DACH1: variants seen among roughly 807,000 people sequenced by gnomAD.
DACH1 encodes the protein dachshund family transcription factor 1, also known as dachshund homolog 1.
A neutral mutation model predicts 54.2 loss-of-function variants in DACH1; 12 were observed. The ratio of observed to expected loss-of-function variants is 0.22; its 90% confidence interval spans 0.14 to 0.36. DACH1 has a LOEUF of 0.36. Ranked by LOEUF, DACH1 falls within the 10% of genes least tolerant of loss-of-function variation. DACH1 has a pLI of 1.00. For synonymous variants in DACH1, 386 were observed against 366.2 expected (o/e 1.05, Z -0.62); for missense variants, 805 against 929.8 (o/e 0.87, Z 1.75).
chr13:71,777,919 C>A (rs1005077553), intron 1 of DACH1, among the ~76,000 whole-genome samples: 4 of 151,692 alleles, frequency 2.6e-5, no homozygotes, highest in African/African-American at 9.7e-5. Flanking sequence ...AAGTTTGAGA[C>A]CAGCCTGGGT....
chr13:71,567,207 T>A (rs765104616), intron 4 of DACH1, among the ~76,000 whole-genome samples: 2 of 151,946 alleles, frequency 1.3e-5, no homozygotes, highest in Non-Finnish European at 2.9e-5. Context: ...CGAATTTAAG[T>A]CATATTCCCT....
chr13:71,457,985 C>T (rs186598715), intron 10 of DACH1, among the ~76,000 whole-genome samples: 61 of 152,050 alleles, frequency 4.0e-4, no homozygotes, highest in African/African-American at 1.1e-3. Flanking sequence ...GAAATTCAAA[C>T]ACAGCCATTT....
chr13:71,594,614 T>C (rs961206107), intron 3 of DACH1, among the ~76,000 whole-genome samples: 1 of 152,124 alleles, frequency 6.6e-6, no homozygotes, highest in Admixed American at 6.6e-5. Context: ...GCATGTCACA[T>C]TTAGAAAATA....
intron 1 of DACH1, among the ~76,000 whole-genome samples, chr13:71,856,564 A>T (rs1484668750): frequency 4.6e-5 from 7 of 151,988 alleles, no homozygotes; most frequent in African/African-American, 1.7e-4. Context: ...GTAAATATCT[A>T]AATGCAAAGA....
At chr13:71,599,700 T>A (rs1238633101) in intron 3 of DACH1, among the ~76,000 whole-genome samples, 1 of 152,112 alleles carries the variant, frequency 6.6e-6, no homozygotes, top group Non-Finnish European at 1.5e-5. Flanking sequence ...GTAACCTTAT[T>A]AACATGGGAA....
Position 71,816,600 on chromosome 13 carries a change from ATGTGTG to A in DACH1, c.848+49316_848+49321del, listed in dbSNP as rs201182473. 2.5e-4 allele frequency among the ~76,000 whole-genome samples: 25 copies of A among 99,878 alleles called. 1 individual carries two copies. The South Asian group carries it at 8.3e-3, about 33-fold the overall frequency. The allele number at this position is 99,878 out of a possible 152,430, so 65.5% of individuals were successfully genotyped here. On this transcript the variant is annotated intron_variant, in intron 1 of 10. Coordinates refer to ENST00000613252, the MANE Select transcript of DACH1 (RefSeq NM_080759.6). ...TATACACGTATATATATACACACATATGTGTGTATATATATACACGTGTATATATAC... is the reference window on the plus strand; with the variant it reads ...TATACACGTATATATATACACACATATATATATATACACGTGTATATATAC...
At chr13:71,579,978 T>C (rs572291074) in intron 3 of DACH1, among the ~76,000 whole-genome samples, 8 of 152,248 alleles carry the variant, frequency 5.3e-5, no homozygotes, top group Middle Eastern at 3.4e-3. Context: ...AGTAGCCAGA[T>C]TGATTTGTAT....
intron 1 of DACH1, among the ~76,000 whole-genome samples, chr13:71,725,215 A>G (rs527711391): frequency 6.6e-5 from 10 of 152,296 alleles, no homozygotes; most frequent in African/African-American, 2.4e-4. Flanking sequence ...CATGTTTCTC[A>G]AAAGGCACCT....
At chr13:71,604,635 A>AT (rs1253719463) in intron 3 of DACH1, among the ~76,000 whole-genome samples, 1 of 151,924 alleles carries the variant, frequency 6.6e-6, no homozygotes, top group Non-Finnish European at 1.5e-5. Context: ...ATAAAAACGT[A>AT]TTTTAACTGA....
chr13:71,670,399 T>A (rs1239733707), intron 2 of DACH1, among the ~76,000 whole-genome samples: 2 of 152,144 alleles, frequency 1.3e-5, no homozygotes, highest in Non-Finnish European at 2.9e-5. Context: ...ATTTGTAATG[T>A]GCATATTTCT....
rs1424040720 is a variant in DACH1 at position 71,557,035 on chromosome 13, T to C, written c.1559A>G (p.His520Arg). The change falls in exon 6 of 11, where the codon CAT (histidine) becomes CGT (arginine). Residue 520 changes from histidine to arginine, a missense_variant. His to Arg is a conservative substitution (Grantham distance 29). Coordinates refer to ENST00000613252, the MANE Select transcript of DACH1 (RefSeq NM_080759.6). The part of the protein sequence containing the change: ...HDMGHESKRM[H>R]IEKDETPLST... The stretch of plus-strand genomic sequence containing the variant: ...TAATCATACATTACCTTTTTCAATA[T>C]GCATCCTTTTTGACTCATGTCCCAT... 6.2e-7 allele frequency: 1 copy of C among 1,600,766 alleles called. No individual in the cohort carries two copies. The highest frequency in any genetic ancestry group is 8.5e-7 in the Non-Finnish European group (1 of 1,175,236).
intron 1 of DACH1, among the ~76,000 whole-genome samples, chr13:71,859,562 C>T (rs570325497): frequency 4.0e-5 from 6 of 151,830 alleles, no homozygotes; most frequent in African/African-American, 1.4e-4. Flanking sequence ...GTCATTTGTA[C>T]ATTTATATAT....
intron 10 of DACH1, among the ~76,000 whole-genome samples, chr13:71,455,267 C>A (rs940339241): frequency 6.6e-6 from 1 of 152,142 alleles, no homozygotes; most frequent in African/African-American, 2.4e-5. Flanking sequence ...CACAAACACA[C>A]ACACACATAC....
chr13:71,770,543 G>T (rs558706205), intron 1 of DACH1, among the ~76,000 whole-genome samples: 2 of 151,550 alleles, frequency 1.3e-5, no homozygotes, highest in East Asian at 3.9e-4. Flanking sequence ...AAGAAGGAAA[G>T]AACGCATTTA....
chr13:71,801,862 A>C (rs1478207259), intron 1 of DACH1, among the ~76,000 whole-genome samples: 2 of 152,066 alleles, frequency 1.3e-5, no homozygotes, highest in Non-Finnish European at 2.9e-5. Context: ...AAAAAAAAAA[A>C]AAACTTCCAA....
chr13:71,819,377 C>T (rs1380706472), intron 1 of DACH1, among the ~76,000 whole-genome samples: 6 of 152,170 alleles, frequency 3.9e-5, no homozygotes, highest in African/African-American at 1.4e-4. Context: ...AGAGCAAAGC[C>T]GAGGGGCAAA....
chr13:71,822,568 G>T (rs947915553), intron 1 of DACH1, among the ~76,000 whole-genome samples: 3 of 152,082 alleles, frequency 2.0e-5, no homozygotes, highest in Non-Finnish European at 2.9e-5. Context: ...AACTTTCCTC[G>T]ATTAGCGTTA....
At chr13:71,732,111 A>G (rs1383401788) in intron 1 of DACH1, among the ~76,000 whole-genome samples, 2 of 152,174 alleles carry the variant, frequency 1.3e-5, no homozygotes, top group Non-Finnish European at 1.5e-5. Context: ...TGATTCCACC[A>G]TTATCTATAG....
At chr13:71,599,750 CTAA>C (rs1399909765) in intron 3 of DACH1, among the ~76,000 whole-genome samples, 2 of 151,724 alleles carry the variant, frequency 1.3e-5, no homozygotes, top group African/African-American at 4.8e-5. Flanking sequence ...ACTAATTATG[CTAA>C]TGTTAATTTT....
Sources: allele counts gnomAD v4.1 joint callset (sites outside exome capture counted in the v4.1 genomes callset), GRCh38; gene constraint gnomAD v4.1.1; transcripts MANE v1.5; gene names NCBI Gene and HGNC (gene_info 2026-07-23, HGNC 2026-07-21).